The following BMAL2 variants were observed in gnomAD, a reference collection of about 807,000 sequenced individuals.
BMAL2 encodes basic helix-loop-helix ARNT like 2.
chr12:27,368,315 G>A, the BMAL2 span: 8 of 1,614,126 alleles, frequency 5.0e-6, no homozygotes, highest in Middle Eastern at 1.6e-4. Context: ...TTCCAGCCGC[G>A]TGAGTCCAGG....
At chr12:27,358,223 T>C in the BMAL2 span, among the ~76,000 whole-genome samples, 1 of 151,950 alleles carries the variant, frequency 6.6e-6, no homozygotes, top group African/African-American at 2.4e-5. Context: ...CATCAAAAAG[T>C]GGGCTAAGGA....
the BMAL2 span, among the ~76,000 whole-genome samples, chr12:27,407,410 A>G: frequency 6.6e-6 from 1 of 152,254 alleles, no homozygotes; most frequent in Non-Finnish European, 1.5e-5. Flanking sequence ...ACCATATTGC[A>G]ATCAAACTAG....
At chr12:27,402,644 T>G in the BMAL2 span, 2 of 1,612,804 alleles carry the variant, frequency 1.2e-6, no homozygotes, top group Non-Finnish European at 1.7e-6. Flanking sequence ...TGGAGAAGCA[T>G]CATTTTTACC....
At chr12:27,422,630 A>G in the BMAL2 span, 1 of 152,274 alleles carries the variant, frequency 6.6e-6, no homozygotes, top group Non-Finnish European at 1.5e-5. Flanking sequence ...TGAGCCAAAG[A>G]AATCCTACAA....
the BMAL2 span, chr12:27,394,396 T>C: frequency 2.6e-5 from 4 of 152,258 alleles, no homozygotes; most frequent in East Asian, 7.7e-4. Flanking sequence ...CACACTGTAT[T>C]GAAATTACTT....
the BMAL2 span, among the ~76,000 whole-genome samples, chr12:27,366,945 C>CT: frequency 6.6e-6 from 1 of 152,150 alleles, no homozygotes; most frequent in Non-Finnish European, 1.5e-5. Flanking sequence ...CAGTCGGCCC[C>CT]TCTTACCCAT....
At chr12:27,403,115 G>T in the BMAL2 span, among the ~76,000 whole-genome samples, 9 of 152,146 alleles carry the variant, frequency 5.9e-5, no homozygotes, top group African/African-American at 2.2e-4. Context: ...TTATCTGTGT[G>T]AGTTTTTCAC....
At chr12:27,339,146 G>T in the BMAL2 span, among the ~76,000 whole-genome samples, 1 of 152,030 alleles carries the variant, frequency 6.6e-6, no homozygotes, top group African/African-American at 2.4e-5. Flanking sequence ...AGTGTGTGTT[G>T]GTTCCCTCTG....
the BMAL2 span, among the ~76,000 whole-genome samples, chr12:27,398,453 T>C: frequency 6.6e-6 from 1 of 152,136 alleles, no homozygotes. Context: ...GCTAAAGAAT[T>C]ATTGAGATAA....
At chr12:27,351,240 G>C in the BMAL2 span, among the ~76,000 whole-genome samples, 2 of 151,726 alleles carry the variant, frequency 1.3e-5, no homozygotes, top group East Asian at 3.9e-4. Context: ...CTCCTGCCCT[G>C]GCCTCCCAAA....
At chr12:27,388,252 T>C in the BMAL2 span, among the ~76,000 whole-genome samples, 1 of 152,196 alleles carries the variant, frequency 6.6e-6, no homozygotes, top group Non-Finnish European at 1.5e-5. Context: ...CATGTAGGGA[T>C]TCCCATGATT....
chr12:27,378,627 T>C, the BMAL2 span, among the ~76,000 whole-genome samples: 1 of 152,292 alleles, frequency 6.6e-6, no homozygotes, highest in East Asian at 1.9e-4. Flanking sequence ...GGGAGAACCC[T>C]GGCCTATAAT....
chr12:27,381,929 A>G, the BMAL2 span, among the ~76,000 whole-genome samples: 1 of 152,218 alleles, frequency 6.6e-6, no homozygotes, highest in Admixed American at 6.5e-5. Flanking sequence ...GTCTTAGTTT[A>G]GATCTCAAAC....
chr12:27,368,264 A>G, the BMAL2 span: 2 of 1,614,016 alleles, frequency 1.2e-6, no homozygotes, highest in South Asian at 1.1e-5. Flanking sequence ...GCCCATAGGT[A>G]AAGTGTTGAG....
the BMAL2 span, among the ~76,000 whole-genome samples, chr12:27,412,194 A>G: frequency 6.6e-6 from 1 of 152,242 alleles, no homozygotes; most frequent in Admixed American, 6.5e-5. Flanking sequence ...AGAAGTGGAA[A>G]TGGAGCTAAA....
At chr12:27,367,276 G>A in the BMAL2 span, among the ~76,000 whole-genome samples, 4 of 152,138 alleles carry the variant, frequency 2.6e-5, no homozygotes, top group East Asian at 1.9e-4. Flanking sequence ...CATATGCAGC[G>A]TGGATATGCT....
the BMAL2 span, chr12:27,401,664 A>G: frequency 6.3e-7 from 1 of 1,581,238 alleles, no homozygotes; most frequent in South Asian, 1.2e-5. Flanking sequence ...ATCTGTCAAC[A>G]CTTTAGTTTT....
the BMAL2 span, chr12:27,377,303 C>T: frequency 2.6e-4 from 40 of 152,296 alleles, no homozygotes; most frequent in African/African-American, 3.4e-4. Flanking sequence ...GAAACCTTTT[C>T]GGGTGTAGCT....
the BMAL2 span, chr12:27,422,368 T>G: frequency 1.3e-5 from 2 of 152,266 alleles, no homozygotes; most frequent in Admixed American, 1.3e-4. Context: ...AAGCATTATT[T>G]TGACCCTGCA....
Sources: allele counts gnomAD v4.1 joint callset (sites outside exome capture counted in the v4.1 genomes callset), GRCh38; gene constraint gnomAD v4.1.1; transcripts MANE v1.5; gene names NCBI Gene and HGNC (gene_info 2026-07-23, HGNC 2026-07-21).